Variants in DAAM1 observed in about 807,000 individuals in gnomAD.
The protein encoded by DAAM1 is disheveled-associated activator of morphogenesis 1.
In DAAM1, 52 loss-of-function variants were observed where a neutral mutation model predicts 130.0. The observed-to-expected ratio is 0.40, with a 90% CI of 0.32 to 0.50. The LOEUF (loss-of-function observed/expected upper bound fraction) is 0.50, where lower values mean the gene tolerates loss of function less well. Among genes scored for constraint, DAAM1 ranks in the 20% least tolerant of loss-of-function variants. DAAM1 has a pLI of 0.61. For missense variants in DAAM1, 1,134 were observed against 1,303.8 expected (o/e 0.87, Z 2.01); for synonymous variants, 452 against 444.5 (o/e 1.02, Z -0.21).
intron 20 of DAAM1, among the ~76,000 whole-genome samples, chr14:59,355,591 T>C (rs1189492360): frequency 2.6e-5 from 4 of 152,230 alleles, no homozygotes; most frequent in Non-Finnish European, 4.4e-5. Context: ...TGTTCTAAGT[T>C]TTGCTGTTGT....
At chr14:59,354,062 ATTTTT>A in intron 19 of DAAM1, 98 bp downstream of exon 19, 21 of 883,880 alleles carry the variant, frequency 2.4e-5, no homozygotes, top group East Asian at 9.4e-5. Context: ...CCCCTTGGTG[ATTTTT>A]TTTTTTTTTT....
chr14:59,367,400 T>C (rs761275522), intron 23 of DAAM1, 29 bp from the exon 24 acceptor site: 19 of 1,569,388 alleles, frequency 1.2e-5, no homozygotes, highest in South Asian at 2.4e-5. Flanking sequence ...TCATGAAACA[T>C]TGACTTCTTA....
intron 1 of DAAM1, among the ~76,000 whole-genome samples, chr14:59,195,336 G>C (rs1161722964): frequency 6.6e-6 from 1 of 151,802 alleles, no homozygotes; most frequent in Non-Finnish European, 1.5e-5. Flanking sequence ...GTAGAGATGG[G>C]GTTTCACCGT....
At chr14:59,233,452 T>G (rs1314007126) in intron 1 of DAAM1, among the ~76,000 whole-genome samples, 1 of 152,246 alleles carries the variant, frequency 6.6e-6, no homozygotes, top group Admixed American at 6.5e-5. Flanking sequence ...GAGAAGTGTC[T>G]GTTCATATCC....
At chr14:59,218,145 A>C (rs925063001) in intron 1 of DAAM1, among the ~76,000 whole-genome samples, 2 of 152,126 alleles carry the variant, frequency 1.3e-5, no homozygotes, top group Admixed American at 1.3e-4. Context: ...AAAAAAGAAA[A>C]AAATTCAAGA....
intron 2 of DAAM1, among the ~76,000 whole-genome samples, chr14:59,282,289 G>T (rs4296184): frequency 0.066 from 10,008 of 152,180 alleles, 424 homozygotes; most frequent in Non-Finnish European, 0.097. Flanking sequence ...TCTGCATGAG[G>T]ATTGAGCTCC....
At chr14:59,290,048 T>C (rs1279248588) in intron 2 of DAAM1, among the ~76,000 whole-genome samples, 1 of 152,042 alleles carries the variant, frequency 6.6e-6, no homozygotes, top group African/African-American at 2.4e-5. Flanking sequence ...ACCTTAGTGA[T>C]GGGATCATTT....
At chr14:59,260,557 G>T (rs998948716) in intron 1 of DAAM1, among the ~76,000 whole-genome samples, 4 of 152,142 alleles carry the variant, frequency 2.6e-5, no homozygotes, top group Non-Finnish European at 4.4e-5. Context: ...TTATCTAGTT[G>T]TACCATAATT....
intron 2 of DAAM1, among the ~76,000 whole-genome samples, chr14:59,276,689 G>C (rs1378191372): frequency 2.0e-5 from 3 of 152,206 alleles, no homozygotes; most frequent in East Asian, 1.9e-4. Context: ...AGTTAGACTT[G>C]TCTGAGTAAG....
chr14:59,323,928 A>G (rs1358808184), intron 6 of DAAM1, among the ~76,000 whole-genome samples, 200 bp from the exon 7 acceptor site: 1 of 151,978 alleles, frequency 6.6e-6, no homozygotes, highest in African/African-American at 2.4e-5. Context: ...GCTACTCGGG[A>G]GGCTGAGGCA....
At chr14:59,302,097 G>C (rs1035066151) in intron 3 of DAAM1, among the ~76,000 whole-genome samples, 1 of 152,174 alleles carries the variant, frequency 6.6e-6, no homozygotes, top group African/African-American at 2.4e-5. Context: ...AGATGAACAG[G>C]TAGATATACT....
chr14:59,261,893 T>C (rs963100285), intron 1 of DAAM1, among the ~76,000 whole-genome samples: 2 of 152,200 alleles, frequency 1.3e-5, no homozygotes, highest in African/African-American at 2.4e-5. Context: ...ATTTGTTAAA[T>C]GTTGACAAAC....
intron 23 of DAAM1, among the ~76,000 whole-genome samples, chr14:59,364,245 T>C (rs1334950445): frequency 6.6e-6 from 1 of 152,228 alleles, no homozygotes; most frequent in East Asian, 1.9e-4. Flanking sequence ...GATACAGCCT[T>C]GGAGGACAGG....
At position 59,234,586 on chromosome 14, in the gene DAAM1, ACTTCCTCT is replaced by A. The variant is rs1433075500; in HGVS notation, c.-37-28848_-37-28841del. On this transcript the variant is annotated intron_variant, in intron 1 of 24. Coordinates refer to ENST00000360909, the MANE Select transcript of DAAM1 (RefSeq NM_001270520.2). Reference sequence around the variant, plus strand: ...GTCATCTGCAAACAGAGACAATTTGACTTCCTCTCTTCCTATTTGAATACCCTTTATTT... The same window carrying A: ...GTCATCTGCAAACAGAGACAATTTGACTTCCTATTTGAATACCCTTTATTT... Among the ~76,000 whole-genome samples the A allele has an allele frequency of 5.3e-5, 8 of 152,216 alleles. No individual in the cohort carries two copies. The East Asian group carries it at 1.5e-3, about 29-fold the overall frequency.
intron 17 of DAAM1, among the ~76,000 whole-genome samples, chr14:59,351,798 G>A (rs2139668638): frequency 6.6e-6 from 1 of 151,890 alleles, no homozygotes; most frequent in Admixed American, 6.6e-5. Flanking sequence ...AAAACAGCAT[G>A]AGTCCACAGG....
At chr14:59,323,619 C>G (rs1424911700) in intron 6 of DAAM1, among the ~76,000 whole-genome samples, 2 of 152,058 alleles carry the variant, frequency 1.3e-5, no homozygotes, top group East Asian at 3.9e-4. Context: ...GATAATGAAG[C>G]AAAGGCTTTT....
chr14:59,211,908 G>A (rs17095878), intron 1 of DAAM1, among the ~76,000 whole-genome samples: 3,121 of 152,242 alleles, frequency 0.021, 65 homozygotes, highest in Non-Finnish European at 0.027. Flanking sequence ...TTAATGATGA[G>A]TTCCATATTA....
chr14:59,331,554 G>C (rs764374737), intron 14 of DAAM1, 46 bp downstream of exon 14: 2 of 1,528,696 alleles, frequency 1.3e-6, no homozygotes, highest in African/African-American at 2.8e-5. Flanking sequence ...AGCATTAGCA[G>C]CTCATTGTGT....
At chr14:59,317,472 A>G (rs1172437391) in intron 4 of DAAM1, among the ~76,000 whole-genome samples, 1 of 152,170 alleles carries the variant, frequency 6.6e-6, no homozygotes, top group Non-Finnish European at 1.5e-5. Flanking sequence ...ATCCTGAGAT[A>G]TTGTACCTGG....
Sources: allele counts gnomAD v4.1 joint callset (sites outside exome capture counted in the v4.1 genomes callset), GRCh38; gene constraint gnomAD v4.1.1; transcripts MANE v1.5; gene names NCBI Gene and HGNC (gene_info 2026-07-23, HGNC 2026-07-21).